The following DEPTOR variants were observed in gnomAD, a reference collection of about 807,000 sequenced individuals.
The protein encoded by DEPTOR is DEP domain-containing mTOR-interacting protein.
DEPTOR carries 41 observed loss-of-function variants against 41.6 expected under a neutral mutation model. The observed-to-expected ratio is 0.98, with a 90% CI of 0.77 to 1.28. The LOEUF (loss-of-function observed/expected upper bound fraction) is 1.28. DEPTOR is among the 50% of genes most tolerant of loss of function. The probability of loss-of-function intolerance (pLI) is 0.00; values close to 1 mark genes in which losing one functional copy is unlikely to be tolerated. For missense variants in DEPTOR, 514 were observed against 527.9 expected (o/e 0.97, Z 0.26); for synonymous variants, 195 against 192.3 (o/e 1.01, Z -0.12).
intron 4 of DEPTOR, among the ~76,000 whole-genome samples, chr8:120,000,970 G>A (rs1404886626): frequency 2.0e-5 from 3 of 151,770 alleles, no homozygotes; most frequent in South Asian, 2.1e-4. Flanking sequence ...CCAGCTACTC[G>A]GGAGGCTGAG....
At chr8:119,943,104 TGG>T (rs1346095984) in intron 3 of DEPTOR, among the ~76,000 whole-genome samples, 1 of 152,218 alleles carries the variant, frequency 6.6e-6, no homozygotes, top group Non-Finnish European at 1.5e-5. Flanking sequence ...CTGACTTACA[TGG>T]ACGGTTTCAC....
intron 1 of DEPTOR, among the ~76,000 whole-genome samples, chr8:119,906,803 C>T (rs751123606): frequency 6.6e-6 from 1 of 152,174 alleles, no homozygotes; most frequent in Non-Finnish European, 1.5e-5. Flanking sequence ...TGATTTTGAG[C>T]TCTAGCCCTC....
At chr8:119,913,842 C>A (rs764254326) in intron 1 of DEPTOR, among the ~76,000 whole-genome samples, 14 of 152,122 alleles carry the variant, frequency 9.2e-5, no homozygotes, top group Non-Finnish European at 1.6e-4. Context: ...TTCTGTTGTT[C>A]CATCGAGGCT....
chr8:119,958,289 GTCC>G (rs1828444651), intron 3 of DEPTOR, among the ~76,000 whole-genome samples: 1 of 152,088 alleles, frequency 6.6e-6, no homozygotes, highest in Admixed American at 6.6e-5. Flanking sequence ...GGACAACCTG[GTCC>G]TCCTCCTGTG....
chr8:119,904,783 A>G (rs1183606014), intron 1 of DEPTOR, among the ~76,000 whole-genome samples: 1 of 151,426 alleles, frequency 6.6e-6, no homozygotes, highest in East Asian at 2.0e-4. Context: ...GGCATGAGCC[A>G]TTTTGCACCC....
chr8:120,036,638 C>T (rs531474712), intron 8 of DEPTOR, among the ~76,000 whole-genome samples: 1 of 152,226 alleles, frequency 6.6e-6, no homozygotes, highest in African/African-American at 2.4e-5. Flanking sequence ...CAGCAGTATC[C>T]AAAACTCCTA....
chr8:119,981,176 C>G (rs970714348), intron 4 of DEPTOR, among the ~76,000 whole-genome samples: 3 of 152,142 alleles, frequency 2.0e-5, no homozygotes, highest in African/African-American at 4.8e-5. Flanking sequence ...AACAGGTTCT[C>G]CTAAAGAATC....
chr8:119,930,253 T>G (rs1380448980), intron 3 of DEPTOR, among the ~76,000 whole-genome samples: 1 of 152,214 alleles, frequency 6.6e-6, no homozygotes, highest in Non-Finnish European at 1.5e-5. Context: ...ATTTTTTATT[T>G]TTTGGCACTG....
intron 5 of DEPTOR, 23 bp downstream of exon 5, chr8:120,001,733 G>A (rs1302905524): frequency 1.3e-6 from 2 of 1,598,820 alleles, no homozygotes; most frequent in Admixed American, 3.4e-5. Context: ...GGCATTTATT[G>A]GAGCTCAAGT....
Position 119,963,357 on chromosome 8 carries a change from G to GTT in DEPTOR, c.426-1865_426-1864dup, listed in dbSNP as rs567583089. Among the ~76,000 whole-genome samples, 374 of 146,084 alleles carry GTT rather than the reference G, an allele frequency of 2.6e-3. 1 individual carries two copies. The highest frequency in any genetic ancestry group is 8.7e-3 in the African/African-American group (347 of 40,080). On this transcript the variant is annotated intron_variant, in intron 3 of 8. Transcript: ENST00000286234. ...ACCTTCTACTATTGGGTTTTGTTTT[G>GTT]TTTTTTTTTTTGAGACGGAGTCTCC...
At chr8:120,015,690 G>T (rs1021772323) in intron 8 of DEPTOR, among the ~76,000 whole-genome samples, 1 of 152,126 alleles carries the variant, frequency 6.6e-6, no homozygotes, top group South Asian at 2.1e-4. Context: ...ATGCTCACCC[G>T]TACAGAGACA....
intron 8 of DEPTOR, among the ~76,000 whole-genome samples, chr8:120,036,506 G>C (rs1039545799): frequency 6.6e-6 from 1 of 152,192 alleles, no homozygotes; most frequent in Non-Finnish European, 1.5e-5. Flanking sequence ...CTTGCAGAGA[G>C]ATTTATGGGG....
chr8:119,960,578 A>G (rs1828477520), intron 3 of DEPTOR, among the ~76,000 whole-genome samples: 1 of 152,232 alleles, frequency 6.6e-6, no homozygotes, highest in Non-Finnish European at 1.5e-5. Context: ...ATGTAGGTAC[A>G]ATGATTACTT....
At chr8:119,908,642 A>G (rs1020559372) in intron 1 of DEPTOR, among the ~76,000 whole-genome samples, 3 of 151,416 alleles carry the variant, frequency 2.0e-5, no homozygotes, top group Non-Finnish European at 2.9e-5. Flanking sequence ...CTGGGACTAC[A>G]GGCATGCGTC....
chr8:119,953,003 G>A (rs1481360089), intron 3 of DEPTOR, among the ~76,000 whole-genome samples: 1 of 152,064 alleles, frequency 6.6e-6, no homozygotes, highest in African/African-American at 2.4e-5. Context: ...AAATTATTAT[G>A]AAAATTATAT....
chr8:119,894,528 C>T (rs921773868), intron 1 of DEPTOR, among the ~76,000 whole-genome samples: 1 of 151,656 alleles, frequency 6.6e-6, no homozygotes, highest in African/African-American at 2.4e-5. Context: ...TCCCAAGTAG[C>T]TGGGACTACA....
At chr8:119,914,033 CT>C (rs11314693) in intron 1 of DEPTOR, among the ~76,000 whole-genome samples, 80,594 of 141,902 alleles carry the variant, frequency 0.57, 23,355 homozygotes, top group East Asian at 0.92. Context: ...TCTTTCTTTT[CT>C]TTTTTTTTTT....
intron 3 of DEPTOR, among the ~76,000 whole-genome samples, chr8:119,935,161 A>C (rs1828092590): frequency 6.6e-6 from 1 of 152,226 alleles, no homozygotes; most frequent in Non-Finnish European, 1.5e-5. Flanking sequence ...AATAAGGCAT[A>C]GCATTTTGTC....
chr8:119,970,447 CTT>C (rs927592723), intron 4 of DEPTOR, among the ~76,000 whole-genome samples: 5 of 152,134 alleles, frequency 3.3e-5, no homozygotes, highest in Non-Finnish European at 7.4e-5. Flanking sequence ...TAGAAAGAAG[CTT>C]GCCTTGGTCT....
Sources: gnomAD v4.1 joint callset for allele counts (sites outside exome capture counted in the v4.1 genomes callset) on GRCh38, gnomAD v4.1.1 for gene constraint, MANE v1.5 for transcripts, NCBI Gene and HGNC (gene_info 2026-07-23, HGNC 2026-07-21) for gene names.